OR7E24: variants seen among roughly 807,000 people sequenced by gnomAD.
OR7E24 encodes the protein olfactory receptor family 7 subfamily E member 24, also known as olfactory receptor 7E24.
For synonymous variants in OR7E24, 130 were observed against 157.5 expected (o/e 0.83, Z 1.31); for missense variants, 385 against 410.3 (o/e 0.94, Z 0.53).
At chr19:9,241,380 A>C in the OR7E24 span, among the ~76,000 whole-genome samples, 2 of 152,224 alleles carry the variant, frequency 1.3e-5, no homozygotes, top group African/African-American at 4.8e-5. Flanking sequence ...ATGAACATTC[A>C]GTTCCTCAGC....
At chr19:9,228,470 C>T in the OR7E24 span, among the ~76,000 whole-genome samples, 7 of 143,148 alleles carry the variant, frequency 4.9e-5, no homozygotes, top group South Asian at 2.1e-4. Context: ...CTCTTCTCTC[C>T]GCTTCCCTAA....
At chr19:9,213,944 C>T in the OR7E24 span, 9 of 1,614,058 alleles carry the variant, frequency 5.6e-6, no homozygotes, top group East Asian at 2.2e-5. Context: ...CCAGGGCCCC[C>T]TTCACATCCT....
Position 9,252,161 on chromosome 19 carries a change from T to A in OR7E24, c.*98T>A. 1 of 944,586 alleles carries A rather than the reference T, an allele frequency of 1.1e-6. No individual in the cohort carries two copies. Among genetic ancestry groups the A allele is most frequent in the Non-Finnish European group, 1.6e-6 (1 of 636,094 alleles). The allele number at this position is 944,586 out of a possible 1,614,324, so 58.5% of individuals were successfully genotyped here. ...GGCTTTCATTCCTCTCTGGGTTTCG[T>A]ATGTGAATATTGCTTGCTTTGTTTT... On this transcript the variant is annotated 3_prime_UTR_variant, in exon 1 of 1. Coordinates refer to ENST00000456448, the MANE Select transcript of OR7E24 (RefSeq NM_001079935.2).
the OR7E24 span, among the ~76,000 whole-genome samples, chr19:9,232,873 A>G: frequency 6.6e-6 from 1 of 152,204 alleles, no homozygotes; most frequent in Non-Finnish European, 1.5e-5. Context: ...ACCTCTGGAA[A>G]GAAAAATGAT....
At chr19:9,216,800 C>T in the OR7E24 span, among the ~76,000 whole-genome samples, 3 of 152,110 alleles carry the variant, frequency 2.0e-5, no homozygotes, top group Admixed American at 2.0e-4. Context: ...CCATGTTGGC[C>T]AGGTTGGTTT....
the OR7E24 span, among the ~76,000 whole-genome samples, chr19:9,228,750 G>C: frequency 1.3e-5 from 2 of 152,230 alleles, 1 homozygote; most frequent in South Asian, 4.1e-4. Flanking sequence ...TGAATGCCAG[G>C]GACTGAAAAG....
At chr19:9,213,802 A>G in the OR7E24 span, 1 of 842,586 alleles carries the variant, frequency 1.2e-6, no homozygotes, top group Non-Finnish European at 1.9e-6. Flanking sequence ...CACATCAAGC[A>G]CATTTTTTAA....
the OR7E24 span, among the ~76,000 whole-genome samples, chr19:9,217,621 C>T: frequency 1.3e-5 from 2 of 152,158 alleles, no homozygotes; most frequent in Non-Finnish European, 2.9e-5. Flanking sequence ...TCACTGCAAC[C>T]TCTGCCTCCC....
the OR7E24 span, among the ~76,000 whole-genome samples, chr19:9,226,478 G>A: frequency 6.6e-6 from 1 of 152,202 alleles, no homozygotes; most frequent in Admixed American, 6.5e-5. Flanking sequence ...AAAGGAAGGA[G>A]AAAGTAACTT....
At chr19:9,235,568 G>A in the OR7E24 span, 8 of 1,554,272 alleles carry the variant, frequency 5.1e-6, no homozygotes, top group South Asian at 8.9e-5. Context: ...CATCTCTGTG[G>A]CCTCCTGGTT....
At chr19:9,242,085 T>C in the OR7E24 span, among the ~76,000 whole-genome samples, 2 of 152,206 alleles carry the variant, frequency 1.3e-5, no homozygotes, top group African/African-American at 4.8e-5. Flanking sequence ...CCCATTTGCA[T>C]GTTAGCACCC....
the OR7E24 span, among the ~76,000 whole-genome samples, chr19:9,231,225 A>G: frequency 6.6e-6 from 1 of 151,944 alleles, no homozygotes; most frequent in South Asian, 2.1e-4. Context: ...TCCCGGCCTG[A>G]GAAATGCTAT....
At chr19:9,216,962 C>T in the OR7E24 span, among the ~76,000 whole-genome samples, 6 of 152,180 alleles carry the variant, frequency 3.9e-5, no homozygotes, top group Non-Finnish European at 7.3e-5. Context: ...CAATATCCCC[C>T]TTACATGGGG....
chr19:9,230,350 G>T, the OR7E24 span, among the ~76,000 whole-genome samples: 842 of 152,252 alleles, frequency 5.5e-3, 6 homozygotes, highest in Middle Eastern at 0.027. Context: ...CAGCCTTGAA[G>T]TTCCTGTATT....
At chr19:9,246,321 G>C (rs900005968), upstream of OR7E24, among the ~76,000 whole-genome samples, 1 of 151,898 alleles carries the variant, frequency 6.6e-6, no homozygotes, top group Non-Finnish European at 1.5e-5. Context: ...GCCTGCCTTG[G>C]CCTCCCAAAG....
upstream of OR7E24, among the ~76,000 whole-genome samples, chr19:9,245,472 C>T (rs117978456): frequency 2.4e-3 from 360 of 152,156 alleles, 1 homozygote; most frequent in Middle Eastern, 0.024. Context: ...AATGGTGCAG[C>T]AGTATGAAAA....
upstream of OR7E24, among the ~76,000 whole-genome samples, chr19:9,247,776 G>A (rs890843376): frequency 5.9e-5 from 9 of 152,134 alleles, no homozygotes; most frequent in African/African-American, 2.2e-4. Context: ...AACTTGACAG[G>A]TTGTTTTGTT....
upstream of OR7E24, among the ~76,000 whole-genome samples, chr19:9,250,526 A>G (rs1449917525): frequency 6.6e-6 from 1 of 152,270 alleles, no homozygotes; most frequent in Non-Finnish European, 1.5e-5. Context: ...AAACGTAAGA[A>G]TGATGGAAAC....
chr19:9,222,069 G>A, the OR7E24 span, among the ~76,000 whole-genome samples: 1 of 152,118 alleles, frequency 6.6e-6, no homozygotes, highest in African/African-American at 2.4e-5. Context: ...ATTTATTAAA[G>A]AGACTGTCCT....
Sources: gnomAD v4.1 joint callset for allele counts (sites outside exome capture counted in the v4.1 genomes callset) on GRCh38, gnomAD v4.1.1 for gene constraint, MANE v1.5 for transcripts, NCBI Gene and HGNC (gene_info 2026-07-23, HGNC 2026-07-21) for gene names.